The following PADI1 variants were observed in gnomAD, a reference collection of about 807,000 sequenced individuals.
PADI1 encodes peptidyl arginine deiminase 1, also known as protein-arginine deiminase type-1.
Under a neutral mutation model 74.8 loss-of-function variants are expected in PADI1, and 65 were observed. That is an observed-to-expected ratio of 0.87 (90% CI 0.71 to 1.07). The LOEUF is 1.07. Among genes scored for constraint, PADI1 ranks in the 50% least tolerant of loss-of-function variants. The pLI, the probability that PADI1 is intolerant of heterozygous loss-of-function variation, is 0.00. For synonymous variants in PADI1, 371 were observed against 336.2 expected, an observed-to-expected ratio of 1.10 and a Z score of -1.13; for missense variants, 943 against 854.0, an observed-to-expected ratio of 1.10 and a Z score of -1.30.
chr1:17,229,110 G>A (rs1380336898), intron 8 of PADI1, 59 bp downstream of exon 8: 1 of 1,066,722 alleles, frequency 9.4e-7, no homozygotes, highest in Non-Finnish European at 1.4e-6. Context: ...AGGGACAGAA[G>A]CTGCCTCAGG....
chr1:17,238,686 A>G lies in PADI1; in HGVS notation c.1529A>G (p.Tyr510Cys). The G allele has an allele frequency of 6.5e-7, 1 of 1,541,422 alleles. No individual in the cohort carries two copies. Among genetic ancestry groups the G allele is most frequent in the South Asian group, 1.2e-5 (1 of 82,516 alleles). The part of the protein sequence containing the change: ...KLFQEKKEEG[Y>C]GEAAQFDGLK... ...TTCCAAGAGAAGAAAGAAGAGGGTT[A>G]TGGGGAGGCAGCCCAGTTTGATGGT... The change falls in exon 13 of 16, where the codon TAT (tyrosine) becomes TGT (cysteine). Residue 510 changes from tyrosine to cysteine, a missense_variant. By Grantham distance (194) the Tyr-to-Cys change is radical. Coordinates refer to ENST00000375471, the MANE Select transcript of PADI1 (RefSeq NM_013358.3).
chr1:17,222,214 C>G (rs1305282139), intron 1 of PADI1, 76 bp from the exon 2 acceptor site: 25 of 1,108,328 alleles, frequency 2.3e-5, no homozygotes, highest in Middle Eastern at 2.8e-4. Flanking sequence ...CAGCCCCAAG[C>G]CCCCACCCCA....
chr1:17,230,201 G>A lies in PADI1; in HGVS notation c.1046G>A (p.Trp349Ter). Residue 349 changes from tryptophan to a stop codon, truncating the protein, a stop_gained, in exon 9 of 16, where the codon TGG becomes TAG. Transcript: ENST00000375471. LOFTEE classifies it high-confidence loss of function. The stretch of plus-strand genomic sequence containing the variant: ...CAAGTTGAAAATCGAAATGACCGCT[G>A]GATCCAGGTGGGAGCTGGGGGCAGC... ...CPQVENRNDR[W>*]IQDEMEFGYI... is the part of the protein sequence containing the mutation. 1 of 1,613,724 alleles carries A rather than the reference G, an allele frequency of 6.2e-7. No individual in the cohort carries two copies. The highest frequency in any genetic ancestry group is 1.1e-5 in the South Asian group (1 of 91,002).
intron 11 of PADI1, among the ~76,000 whole-genome samples, chr1:17,235,770 A>G (rs1310634168): frequency 6.6e-6 from 1 of 152,092 alleles, no homozygotes; most frequent in African/African-American, 2.4e-5. Context: ...CAGTCTCTAT[A>G]TCACACTGCA....
intron 4 of PADI1, among the ~76,000 whole-genome samples, chr1:17,225,012 CG>C (rs1351970807): frequency 6.6e-6 from 1 of 152,104 alleles, no homozygotes; most frequent in Non-Finnish European, 1.5e-5. Context: ...TGGATGGCTG[CG>C]TGGGTTGTTC....
rs1009578813 is a variant in PADI1, at chr1:17,244,641, G to T, written c.*398G>T. ...ATCTGCACCTGGAACGGGGCCTGGG[G>T]GACCTGGGGTCTGGTGTGCCAGGCA... On this transcript the variant is annotated 3_prime_UTR_variant, in exon 16 of 16. Coordinates refer to ENST00000375471, the MANE Select transcript of PADI1 (RefSeq NM_013358.3). 4.7e-5 allele frequency: 17 copies of T among 360,500 alleles called. 1 individual carries two copies. The East Asian group carries it at 6.6e-4, about 14-fold the overall frequency. The allele number at this position is 360,500 out of a possible 1,614,324, so 22.3% of individuals were successfully genotyped here.
chr1:17,207,039 C>T (rs1349525333), intron 1 of PADI1, among the ~76,000 whole-genome samples: 1 of 152,076 alleles, frequency 6.6e-6, no homozygotes, highest in African/African-American at 2.4e-5. Flanking sequence ...ACTTTCACAC[C>T]AAGAGTAGGA....
chr1:17,234,785 G>A (rs1266894997), intron 11 of PADI1, among the ~76,000 whole-genome samples: 4 of 152,152 alleles, frequency 2.6e-5, no homozygotes, highest in African/African-American at 9.7e-5. Flanking sequence ...AGACAGGCAA[G>A]CAATGGATCA....
At position 17,226,066 on chromosome 1, in the gene PADI1, G is replaced by A; in HGVS notation, c.560G>A (p.Cys187Tyr). 1 of 1,614,178 alleles carries A rather than the reference G, an allele frequency of 6.2e-7. No homozygotes were observed. The highest frequency in any genetic ancestry group is 1.1e-5 in the South Asian group (1 of 91,080). Residue 187 changes from cysteine to tyrosine, a missense_variant, in exon 6 of 16, where the codon TGC (cysteine) becomes TAC (tyrosine). Physicochemically the swap from Cys to Tyr is radical, Grantham distance 194. Coordinates refer to ENST00000375471, the MANE Select transcript of PADI1 (RefSeq NM_013358.3). ...LQDMSPMLLS[C>Y]NGPDKLFDSH... ...GACATGTCCCCAATGCTGCTGAGCT[G>A]CAATGGCCCCGACAAGCTCTTCGAC... is the stretch of plus-strand genomic sequence containing the variant.
At chr1:17,229,548 G>A (rs1379171961) in intron 8 of PADI1, among the ~76,000 whole-genome samples, 2 of 152,314 alleles carry the variant, frequency 1.3e-5, no homozygotes, top group East Asian at 3.9e-4. Flanking sequence ...GCAAAGCCCT[G>A]CCAGGCCTCT....
chr1:17,239,841 G>A (rs1569851732), intron 14 of PADI1, 58 bp downstream of exon 14: 2 of 1,401,986 alleles, frequency 1.4e-6, no homozygotes, highest in East Asian at 4.7e-5. Flanking sequence ...GGGAGAAGAA[G>A]CCCCAGGAAC....
intron 1 of PADI1, 81 bp from the exon 2 acceptor site, chr1:17,222,209 C>A: frequency 9.4e-7 from 1 of 1,062,286 alleles, no homozygotes; most frequent in Non-Finnish European, 1.4e-6. Context: ...CCTGGCAGCC[C>A]CAAGCCCCCA....
chr1:17,237,681 T>C (rs773448515), intron 12 of PADI1, among the ~76,000 whole-genome samples: 15 of 152,224 alleles, frequency 9.9e-5, no homozygotes, highest in Non-Finnish European at 1.9e-4. Flanking sequence ...ATGATATTGA[T>C]AATAATTGGT....
intron 3 of PADI1, among the ~76,000 whole-genome samples, chr1:17,224,154 C>A (rs187510141): frequency 6.6e-6 from 1 of 152,252 alleles, no homozygotes; most frequent in Admixed American, 6.5e-5. Flanking sequence ...CACAGGCAAG[C>A]AAGTGATTCA....
At chr1:17,205,812 G>T (rs903181395) in intron 1 of PADI1, among the ~76,000 whole-genome samples, 2 of 152,192 alleles carry the variant, frequency 1.3e-5, no homozygotes, top group African/African-American at 2.4e-5. Context: ...AATACTCGAT[G>T]AATTAATATG....
rs1285812789 is a variant in PADI1, at chr1:17,229,068, C to T, written c.929+17C>T. The stretch of plus-strand genomic sequence containing the variant: ...TGTGTGCAGGTGAGGCTCCCTCCCT[C>T]CAGCCCTCCCCCAAGTCTGGAGTGC... On this transcript the variant is annotated intron_variant, in intron 8 of 15. Transcript: ENST00000375471. 3 of 1,471,446 alleles carry T rather than the reference C, an allele frequency of 2.0e-6. No individual in the cohort carries two copies. The highest frequency in any genetic ancestry group is 1.2e-5 in the South Asian group (1 of 82,540). 91.1% of individuals were successfully genotyped at this position (1,471,446 alleles called of 1,614,324 possible).
chr1:17,222,963 A>ATACAGTGATCCCCCAG, intron 2 of PADI1, among the ~76,000 whole-genome samples: 2 of 91,060 alleles, frequency 2.2e-5, no homozygotes, highest in Non-Finnish European at 4.1e-5. Flanking sequence ...CCAGCACCCA[A>ATACAGTGATCCCCCAG]ATCCTAGACA....
chr1:17,227,805 G>A (rs74465185), intron 6 of PADI1, among the ~76,000 whole-genome samples: 6,762 of 152,280 alleles, frequency 0.044, 172 homozygotes, highest in East Asian at 0.086. Flanking sequence ...ACACCAGGGC[G>A]TAAGCAAAGT....
Position 17,239,999 on chromosome 1 carries a change from G to A in PADI1, c.1632+216G>A, listed in dbSNP as rs2072739558. 5.5e-6 allele frequency: 3 copies of A among 548,494 alleles called. No homozygotes were observed. In the Admixed American group the frequency reaches 9.1e-5, roughly 17 times the overall value. The allele number at this position is 548,494 out of a possible 1,614,324, so 34.0% of individuals were successfully genotyped here. A position where few individuals can be genotyped will look rare whatever the true frequency, so the allele number is the denominator to read the frequency against. On this transcript the variant is annotated intron_variant, in intron 14 of 15. Coordinates refer to ENST00000375471, the MANE Select transcript of PADI1 (RefSeq NM_013358.3). ...CCTCAGAGAGCTCCCAGCCTAATGA[G>A]GGAGACCCGGCCCCACGCTGGGGCA...
Sources: gnomAD v4.1 joint callset for allele counts (sites outside exome capture counted in the v4.1 genomes callset) on GRCh38, gnomAD v4.1.1 for gene constraint, MANE v1.5 for transcripts, NCBI Gene and HGNC (gene_info 2026-07-23, HGNC 2026-07-21) for gene names.